DNAH12: variants seen among roughly 807,000 people sequenced by gnomAD.
DNAH12 encodes axonemal beta dynein heavy chain 12.
In DNAH12, 285 loss-of-function variants were observed where a neutral mutation model predicts 371.5. The ratio of observed to expected loss-of-function variants is 0.77; its 90% CI spans 0.70 to 0.85. The LOEUF is 0.85. Ranked by LOEUF, DNAH12 falls within the 40% of genes least tolerant of loss-of-function variation. The pLI, the probability that DNAH12 is intolerant of heterozygous loss-of-function variation, is 0.00. For synonymous variants in DNAH12, 1,200 were observed against 1,213.0 expected (o/e 0.99, Z 0.22); for missense variants, 3,611 against 3,689.4 (o/e 0.98, Z 0.55).
intron 43 of DNAH12, among the ~76,000 whole-genome samples, chr3:57,401,563 C>CAAAAAAAAAA (rs71294714): frequency 4.4e-5 from 3 of 67,992 alleles, no homozygotes; most frequent in East Asian, 3.3e-4. Flanking sequence ...GACTCCATCT[C>CAAAAAAAAAA]AAAAAAAAAA....
chr3:57,484,723 A>C (rs897087189), intron 12 of DNAH12, among the ~76,000 whole-genome samples: 3 of 152,226 alleles, frequency 2.0e-5, no homozygotes, highest in African/African-American at 7.2e-5. Context: ...TCTGCACAGC[A>C]AAAGAAATAA....
intron 65 of DNAH12, among the ~76,000 whole-genome samples, chr3:57,319,088 C>T (rs761100176): frequency 6.6e-6 from 1 of 152,100 alleles, no homozygotes; most frequent in Non-Finnish European, 1.5e-5. Context: ...TTCACCTCCT[C>T]AGTTGAATTT....
At chr3:57,419,317 A>G in intron 37 of DNAH12, 50 bp downstream of exon 37, 1 of 1,452,540 alleles carries the variant, frequency 6.9e-7, no homozygotes, top group Non-Finnish European at 9.0e-7. Flanking sequence ...TAATCCTATT[A>G]AAATGGTACT....
intron 43 of DNAH12, among the ~76,000 whole-genome samples, chr3:57,394,650 G>T (rs1401842221): frequency 6.6e-6 from 1 of 152,190 alleles, no homozygotes; most frequent in African/African-American, 2.4e-5. Flanking sequence ...GCTGTTCTGA[G>T]ATGGAATATA....
rs1008507074 is a variant in DNAH12, at chr3:57,353,072, T to C, written c.9534-847A>G. On this transcript the variant is annotated intron_variant, in intron 59 of 73. Transcript: ENST00000495027. ...CTGCACTCGAGCCTGGGTAATGGAATGAGACTCCGTCTCAAAAAGAAAATA... is the reference window on the plus strand; with the variant it reads ...CTGCACTCGAGCCTGGGTAATGGAACGAGACTCCGTCTCAAAAAGAAAATA... Among the ~76,000 whole-genome samples the C allele has an allele frequency of 3.6e-3, 547 of 152,170 alleles. 5 individuals are homozygous for C. Among genetic ancestry groups the C allele is most frequent in the African/African-American group, 0.013 (522 of 41,518 alleles).
chr3:57,348,334 T>C (rs2062592699), intron 60 of DNAH12, among the ~76,000 whole-genome samples: 1 of 152,000 alleles, frequency 6.6e-6, no homozygotes, highest in Non-Finnish European at 1.5e-5. Context: ...AACAAAAGAA[T>C]CAGTGATTGG....
At chr3:57,421,865 C>A in intron 35 of DNAH12, 159 bp from the exon 36 acceptor site, 8 of 507,298 alleles carry the variant, frequency 1.6e-5, no homozygotes, top group Middle Eastern at 5.8e-4. Context: ...GCCACATAGT[C>A]ATTTCTCTGA....
At chr3:57,469,817 C>T (rs1286550009) in intron 16 of DNAH12, among the ~76,000 whole-genome samples, 1 of 151,996 alleles carries the variant, frequency 6.6e-6, no homozygotes, top group Non-Finnish European at 1.5e-5. Context: ...ACAACAGACA[C>T]TGGGAACTAC....
chr3:57,332,961 T>C (rs1391916089), intron 62 of DNAH12, among the ~76,000 whole-genome samples: 1 of 152,172 alleles, frequency 6.6e-6, no homozygotes, highest in Non-Finnish European at 1.5e-5. Flanking sequence ...TCTTAAACAA[T>C]ATTTGAAAGG....
intron 60 of DNAH12, among the ~76,000 whole-genome samples, chr3:57,345,319 A>C (rs1553657694): frequency 6.6e-6 from 1 of 152,098 alleles, no homozygotes; most frequent in Non-Finnish European, 1.5e-5. Context: ...AAAACTACAA[A>C]CCAAAATCTC....
intron 60 of DNAH12, among the ~76,000 whole-genome samples, chr3:57,348,953 G>A (rs1435751877): frequency 6.6e-6 from 1 of 152,074 alleles, no homozygotes; most frequent in African/African-American, 2.4e-5. Flanking sequence ...ACAAACAAAT[G>A]CAACAAAAAC....
chr3:57,406,946 T>C (rs2064048699), intron 40 of DNAH12, among the ~76,000 whole-genome samples: 1 of 152,162 alleles, frequency 6.6e-6, no homozygotes, highest in African/African-American at 2.4e-5. Context: ...GTCGCCCCGC[T>C]GGAGTGCAGT....
At chr3:57,469,373 A>T (rs561625865) in intron 16 of DNAH12, among the ~76,000 whole-genome samples, 1 of 152,226 alleles carries the variant, frequency 6.6e-6, no homozygotes, top group Non-Finnish European at 1.5e-5. Context: ...ACACTGTTGC[A>T]CTATTGATGG....
chr3:57,314,764 AAATCC>A (rs1361771747), intron 65 of DNAH12, 133 bp from the exon 66 acceptor site: 2 of 942,702 alleles, frequency 2.1e-6, no homozygotes, highest in South Asian at 2.0e-5. Flanking sequence ...TATTTTAAAA[AAATCC>A]TATCTAAAAT....
Position 57,404,956 on chromosome 3 carries a change from C to T in DNAH12, c.6755+13G>A. 1 of 1,491,462 alleles carries T rather than the reference C, an allele frequency of 6.7e-7. No homozygotes were observed. Among genetic ancestry groups the T allele is most frequent in the Non-Finnish European group, 8.9e-7 (1 of 1,125,910 alleles). 92.4% of individuals were successfully genotyped at this position (1,491,462 alleles called of 1,614,324 possible). A position where few individuals can be genotyped will look rare whatever the true frequency, so the allele number is the denominator to read the frequency against. On this transcript the variant is annotated intron_variant, in intron 42 of 73. Coordinates refer to ENST00000495027, the MANE Select transcript of DNAH12 (RefSeq NM_001366028.2). ...AGATAGCAATTTCAAGCATCAACACCATATATAGGTACCTAAAAATGACAA... is the reference window on the plus strand; with the variant it reads ...AGATAGCAATTTCAAGCATCAACACTATATATAGGTACCTAAAAATGACAA...
At chr3:57,345,598 T>C (rs528918648) in intron 60 of DNAH12, among the ~76,000 whole-genome samples, 41 of 152,310 alleles carry the variant, frequency 2.7e-4, no homozygotes, top group Non-Finnish European at 4.6e-4. Flanking sequence ...CTTAAGCTCA[T>C]GTCAACAGCA....
chr3:57,400,911 A>G (rs1042496135), intron 43 of DNAH12, among the ~76,000 whole-genome samples: 13 of 152,300 alleles, frequency 8.5e-5, no homozygotes, highest in African/African-American at 2.6e-4. Flanking sequence ...AGTAAAACAT[A>G]TATTATTCTC....
In DNAH12 at chr3:57,352,211, A is replaced by G. The variant is rs2062693126; in HGVS notation, c.9548T>C (p.Ile3183Thr). 7 of 1,531,632 alleles carry G rather than the reference A, an allele frequency of 4.6e-6. No homozygotes were observed. The East Asian group carries it at 1.7e-4, about 38-fold the overall frequency. The allele number at this position is 1,531,632 out of a possible 1,614,324, so 94.9% of individuals were successfully genotyped here. A position where few individuals can be genotyped will look rare whatever the true frequency, so the allele number is the denominator to read the frequency against. ...TAAATATCGTAGGCGCTTTTCCAAA[A>G]TCTTGGATTTGTTACTAAAGTTAAA... ...NSIHDSNKSK[I>T]LEKRLRYLND... is the part of the protein sequence containing the mutation. Residue 3183 changes from isoleucine to threonine, a missense_variant, in exon 60 of 74, where the codon ATT becomes ACT. This residue lies in a region of DNAH12 where 2,266 missense variants were observed against 2,236.9 expected (regional missense o/e 1.01). Coordinates refer to ENST00000495027, the MANE Select transcript of DNAH12 (RefSeq NM_001366028.2).
Position 57,375,848 on chromosome 3 carries a change from T to C in DNAH12, c.8583A>G (p.Thr2861=), listed in dbSNP as rs1444495881. The C allele has an allele frequency of 1.3e-5, 2 of 152,156 alleles. No individual in the cohort carries two copies. The highest frequency in any genetic ancestry group is 4.8e-5 in the African/African-American group (2 of 41,438). 9.4% of individuals were successfully genotyped at this position (152,156 alleles called of 1,614,324 possible). The change falls in exon 54 of 74, where the codon ACA becomes ACG. Residue 2861 remains threonine, a synonymous_variant. Transcript: ENST00000495027. The stretch of plus-strand genomic sequence containing the variant: ...ACAACATGCTCCAATCTTTTGTACA[T>C]GTTTGTCGAAAGCCAGAAGTGAAAG... ...LGAFTSGFRQ[T]CTKDWSMLCK... is the part of the protein sequence containing the mutation.
Sources: allele counts gnomAD v4.1 joint callset (sites outside exome capture counted in the v4.1 genomes callset), GRCh38; gene constraint gnomAD v4.1.1; regional missense constraint gnomAD v4.1.1; transcripts MANE v1.5; gene names NCBI Gene and HGNC (gene_info 2026-07-23, HGNC 2026-07-21).